TBP: variants seen among roughly 807,000 people sequenced by gnomAD.
TBP encodes TATA-box binding protein.
TBP carries 12 observed loss-of-function variants against 46.2 expected under a neutral mutation model. That is an observed-to-expected ratio of 0.26 (90% CI 0.17 to 0.42). TBP has a LOEUF of 0.42. Among genes scored for constraint, TBP ranks in the 10% least tolerant of loss-of-function variants. TBP has a pLI of 1.00. For synonymous variants in TBP, 157 were observed against 148.3 expected (o/e 1.06, Z -0.42); for missense variants, 229 against 403.1 (o/e 0.57, Z 3.70).
intron 5 of TBP, among the ~76,000 whole-genome samples, chr6:170,567,942 AAACTTTT>A (rs1241324982): frequency 6.6e-6 from 1 of 152,234 alleles, no homozygotes; most frequent in East Asian, 1.9e-4. Context: ...AAATAAACTA[AAACTTTT>A]TAAATGAAAG....
chr6:170,561,039 C>A (rs555033574), intron 2 of TBP, among the ~76,000 whole-genome samples: 2 of 152,188 alleles, frequency 1.3e-5, no homozygotes, highest in Admixed American at 1.3e-4. Flanking sequence ...GTGTGGCAAA[C>A]TTCGTCAGTC....
intron 2 of TBP, among the ~76,000 whole-genome samples, chr6:170,558,094 TCATC>T (rs1245028874): frequency 6.6e-6 from 1 of 152,260 alleles, no homozygotes; most frequent in East Asian, 1.9e-4. Context: ...GTTCCACAGT[TCATC>T]CATTCTCCAG....
intron 1 of TBP, among the ~76,000 whole-genome samples, chr6:170,555,491 A>G (rs974240411): frequency 7.2e-5 from 11 of 152,206 alleles, no homozygotes; most frequent in African/African-American, 2.2e-4. Flanking sequence ...ATACAGTCAT[A>G]CTAAGCTTGT....
Position 170,556,946 on chromosome 6 carries a change from C to A in TBP, c.-84C>A. The stretch of plus-strand genomic sequence containing the variant: ...TGAGGAAGTTGCTGAGAAGAGTGTG[C>A]TGGAGATGCTCTAGGAAAAAATTGA... On this transcript the variant is annotated 5_prime_UTR_variant, in exon 2 of 8. The change creates a new upstream start codon in the 5' untranslated region. Coordinates refer to ENST00000392092, the MANE Select transcript of TBP (RefSeq NM_003194.5). 1 of 1,296,484 alleles carries A rather than the reference C, an allele frequency of 7.7e-7. No homozygotes were observed. The highest frequency in any genetic ancestry group is 1.1e-6 in the Non-Finnish European group (1 of 895,440). The allele number at this position is 1,296,484 out of a possible 1,614,324, so 80.3% of individuals were successfully genotyped here. A position where few individuals can be genotyped will look rare whatever the true frequency, so the allele number is the denominator to read the frequency against.
At chr6:170,565,237 G>T (rs1332938582) in intron 4 of TBP, among the ~76,000 whole-genome samples, 1 of 152,172 alleles carries the variant, frequency 6.6e-6, no homozygotes, top group Non-Finnish European at 1.5e-5. Context: ...AGTAAAATGT[G>T]CATTGTTTTG....
At chr6:170,558,178 C>G (rs1369069535) in intron 2 of TBP, among the ~76,000 whole-genome samples, 1 of 152,144 alleles carries the variant, frequency 6.6e-6, no homozygotes, top group Non-Finnish European at 1.5e-5. Context: ...TTTGTGTAGA[C>G]TTTGAATGCA....
Position 170,561,925 on chromosome 6 carries a change from ACAG to A in TBP, c.213_215del (p.Gln95del), listed in dbSNP as rs113202486. On this transcript the variant is annotated inframe_deletion, in exon 3 of 8. Coordinates refer to ENST00000392092, the MANE Select transcript of TBP (RefSeq NM_003194.5). Reference sequence around the variant, plus strand: ...AACAAAGGCAGCAGCAGCAACAACAACAGCAGCAGCAGCAGCAGCAGCAGCAAC... The same window carrying A: ...AACAAAGGCAGCAGCAGCAACAACAACAGCAGCAGCAGCAGCAGCAGCAAC... 1.2e-3 allele frequency: 1,206 copies of A among 981,272 alleles called. 2 individuals are homozygous for A. Among genetic ancestry groups the A allele is most frequent in the East Asian group, 7.5e-3 (288 of 38,300 alleles). The allele number at this position is 981,272 out of a possible 1,614,324, so 60.8% of individuals were successfully genotyped here.
rs74830282 is a variant in TBP at position 170,564,169 on chromosome 6, G to A, written c.498-376G>A. Among the ~76,000 whole-genome samples the A allele has an allele frequency of 7.3e-4, 111 of 152,270 alleles. 2 individuals carry two copies. In the East Asian group the frequency reaches 0.02, roughly 28 times the overall value. ...AGGGTGGTGGTGGTAGCTTTTCAGA[G>A]CTCACAGATGAGAATTGAGTTTGTC... On this transcript the variant is annotated intron_variant, in intron 3 of 7. Coordinates refer to ENST00000392092, the MANE Select transcript of TBP (RefSeq NM_003194.5).
At chr6:170,571,683 C>A (rs1487349409) in intron 7 of TBP, among the ~76,000 whole-genome samples, 179 bp downstream of exon 7, 1 of 152,178 alleles carries the variant, frequency 6.6e-6, no homozygotes, top group Non-Finnish European at 1.5e-5. Context: ...GCAGGGAAGT[C>A]TGACCACAGC....
intron 2 of TBP, among the ~76,000 whole-genome samples, chr6:170,560,799 A>G (rs1485087016): frequency 6.6e-6 from 1 of 152,222 alleles, no homozygotes; most frequent in Non-Finnish European, 1.5e-5. Flanking sequence ...ACCTGAACAG[A>G]TGAGGAGTTG....
intron 2 of TBP, among the ~76,000 whole-genome samples, chr6:170,557,832 T>C (rs1239432044): frequency 1.3e-5 from 2 of 151,754 alleles, no homozygotes; most frequent in African/African-American, 4.8e-5. Context: ...TTATATATAA[T>C]GTATAAATTA....
Position 170,572,531 on chromosome 6 carries a change from G to T in TBP, c.*266G>T. 1 of 415,970 alleles carries T rather than the reference G, an allele frequency of 2.4e-6. No individual in the cohort carries two copies. The highest frequency in any genetic ancestry group is 4.3e-6 in the Non-Finnish European group (1 of 235,216). 25.8% of individuals were successfully genotyped at this position (415,970 alleles called of 1,614,324 possible). A position where few individuals can be genotyped will look rare whatever the true frequency, so the allele number is the denominator to read the frequency against. ...GGCAGCGCTGCCCATTTATTTATATGTAGATTTTAAACACTGCTGTTGACA... is the reference window on the plus strand; with the variant it reads ...GGCAGCGCTGCCCATTTATTTATATTTAGATTTTAAACACTGCTGTTGACA... On this transcript the variant is annotated 3_prime_UTR_variant, in exon 8 of 8. Coordinates refer to ENST00000392092, the MANE Select transcript of TBP (RefSeq NM_003194.5).
chr6:170,568,255 C>A (rs1469502742), intron 5 of TBP, among the ~76,000 whole-genome samples: 1 of 152,184 alleles, frequency 6.6e-6, no homozygotes, highest in African/African-American at 2.4e-5. Context: ...TTTCATGCAG[C>A]ATTTAGCCTT....
chr6:170,571,518 G>A lies in TBP; in HGVS notation c.940+14G>A, dbSNP rs765206064. 3.8e-6 allele frequency: 6 copies of A among 1,573,138 alleles called. No homozygotes were observed. Among genetic ancestry groups the A allele is most frequent in the East Asian group, 2.2e-5 (1 of 44,664 alleles). On this transcript the variant is annotated intron_variant, in intron 7 of 7. Coordinates refer to ENST00000392092, the MANE Select transcript of TBP (RefSeq NM_003194.5). Reference sequence around the variant, plus strand: ...TTGTATTAACAGGTAAGTTGTAACAGGAAGTAGTATCTGAAAGTTTGTAAG... The same window carrying A: ...TTGTATTAACAGGTAAGTTGTAACAAGAAGTAGTATCTGAAAGTTTGTAAG...
In TBP at chr6:170,572,366, G is replaced by A; in HGVS notation, c.*101G>A. ...TTAAATGGTGGTGTTGTGAGAAGAT[G>A]GATGTTGAGTTGCAGGGTGTGGCAC... On this transcript the variant is annotated 3_prime_UTR_variant, in exon 8 of 8. Transcript: ENST00000392092. 2.0e-6 allele frequency: 2 copies of A among 1,003,146 alleles called. No individual in the cohort carries two copies. The highest frequency in any genetic ancestry group is 1.5e-6 in the Non-Finnish European group (1 of 660,436). The allele number at this position is 1,003,146 out of a possible 1,614,324, so 62.1% of individuals were successfully genotyped here. A position where few individuals can be genotyped will look rare whatever the true frequency, so the allele number is the denominator to read the frequency against.
Position 170,569,688 on chromosome 6 carries a change from G to T in TBP, c.754G>T (p.Asp252Tyr). Residue 252 changes from aspartate to tyrosine, a missense_variant, in exon 6 of 8, where the codon GAC becomes TAC. Asp to Tyr is a radical substitution (Grantham distance 160). This residue lies in a region of TBP where 67 missense variants were observed against 188.2 expected (regional missense o/e 0.36). Coordinates refer to ENST00000392092, the MANE Select transcript of TBP (RefSeq NM_003194.5). ...GTTGGGTTTTCCAGCTAAGTTCTTG[G>T]ACTTCAAGATTCAGAATATGGTGGG... ...QKLGFPAKFL[D>Y]FKIQNMVGSC... The T allele has an allele frequency of 6.2e-7, 1 of 1,614,106 alleles. No homozygotes were observed. Among genetic ancestry groups the T allele is most frequent in the Non-Finnish European group, 8.5e-7 (1 of 1,179,984 alleles).
At chr6:170,556,779 T>G in intron 1 of TBP, 103 bp from the exon 2 acceptor site, 1 of 352,590 alleles carries the variant, frequency 2.8e-6, no homozygotes, top group East Asian at 4.3e-5. Context: ...AATAGCTTCA[T>G]TGGTTTTCAT....
At chr6:170,562,322 AGGGAGGGAGTGGCACTAAC>A in intron 3 of TBP, 89 bp downstream of exon 3, 1 of 1,378,354 alleles carries the variant, frequency 7.3e-7, no homozygotes, top group Non-Finnish European at 9.9e-7. Flanking sequence ...CCTTTTATTA[AGGGAGGGAGTGGCACTAAC>A]GGTAATTGTG....
Position 170,557,014 on chromosome 6 carries a change from G to A in TBP, c.-16G>A. The A allele has an allele frequency of 6.2e-7, 1 of 1,613,820 alleles. No homozygotes were observed. The highest frequency in any genetic ancestry group is 8.5e-7 in the Non-Finnish European group (1 of 1,179,882). On this transcript the variant is annotated 5_prime_UTR_variant, in exon 2 of 8. Transcript: ENST00000392092. ...AGCGCAAGGGTTTCTGGTTTGCCAA[G>A]AAGAAAGTGAACATCATGGATCAGA... is the stretch of plus-strand genomic sequence containing the variant.
Sources: allele counts gnomAD v4.1 joint callset (sites outside exome capture counted in the v4.1 genomes callset), GRCh38; gene constraint gnomAD v4.1.1; regional missense constraint gnomAD v4.1.1; transcripts MANE v1.5; gene names NCBI Gene and HGNC (gene_info 2026-07-23, HGNC 2026-07-21).